The following COL25A1 variants were observed in gnomAD, a reference collection of about 807,000 sequenced individuals.
COL25A1 encodes collagen type XXV alpha 1 chain, also known as collagen alpha-1(XXV) chain.
COL25A1 carries 103 observed loss-of-function variants against 128.4 expected under a neutral mutation model. The observed-to-expected ratio is 0.80, with a 90% CI of 0.68 to 0.94. COL25A1 has a LOEUF of 0.94. Among genes scored for constraint, COL25A1 ranks in the 40% least tolerant of loss-of-function variants. The pLI, the probability that COL25A1 is intolerant of heterozygous loss-of-function variation, is 0.00. For missense variants in COL25A1, 745 were observed against 840.0 expected (o/e 0.89, Z 1.40); for synonymous variants, 279 against 277.2 (o/e 1.01, Z -0.06).
chr4:109,003,981 G>A lies in COL25A1; in HGVS notation c.438+6377C>T, dbSNP rs541104407. Reference sequence around the variant, plus strand: ...AAGAGTTTTATTTCCCTTGATTCAGGAGATTCACAGCAACATCCTCTCTCT... The same window carrying A: ...AAGAGTTTTATTTCCCTTGATTCAGAAGATTCACAGCAACATCCTCTCTCT... On this transcript the variant is annotated intron_variant, in intron 6 of 37. Transcript: ENST00000399132. Among the ~76,000 whole-genome samples, 4 of 151,886 alleles carry A rather than the reference G, an allele frequency of 2.6e-5. No individual in the cohort carries two copies. In the South Asian group the frequency reaches 8.3e-4, roughly 32 times the overall value.
chr4:108,957,097 A>G lies in COL25A1; in HGVS notation c.493-15660T>C, dbSNP rs191860470. On this transcript the variant is annotated intron_variant, in intron 8 of 37. Coordinates refer to ENST00000399132, the MANE Select transcript of COL25A1 (RefSeq NM_198721.4). ...TTCCAGACTGTATTAACATAAACAG[A>G]CACATACACAGGTAGGTTTTATCCC... is the stretch of plus-strand genomic sequence containing the variant. 3.7e-4 allele frequency among the ~76,000 whole-genome samples: 57 copies of G among 152,286 alleles called. No homozygotes were observed. In the South Asian group the frequency reaches 6.8e-3, roughly 18 times the overall value.
intron 31 of COL25A1, 104 bp from the exon 32 acceptor site, chr4:108,832,537 A>G: frequency 2.8e-6 from 2 of 708,146 alleles, no homozygotes; most frequent in East Asian, 5.4e-5. Context: ...AATATCAGTA[A>G]GACAACTCAT....
At chr4:109,275,154 C>A (rs572896807) in intron 3 of COL25A1, among the ~76,000 whole-genome samples, 1 of 152,150 alleles carries the variant, frequency 6.6e-6, no homozygotes, top group Non-Finnish European at 1.5e-5. Context: ...AATGTCCCCC[C>A]GCTGGGTCTA....
intron 25 of COL25A1, among the ~76,000 whole-genome samples, 162 bp downstream of exon 25, chr4:108,852,740 C>A (rs542628434): frequency 4.8e-4 from 73 of 152,224 alleles, no homozygotes; most frequent in Non-Finnish European, 9.6e-4. Flanking sequence ...ACTAAGCAGA[C>A]AAAGTGATTC....
chr4:108,983,712 A>C (rs1054375376), intron 6 of COL25A1, among the ~76,000 whole-genome samples: 5 of 151,528 alleles, frequency 3.3e-5, no homozygotes, highest in African/African-American at 1.2e-4. Flanking sequence ...GAAGCTGCGG[A>C]CCTTCGCAGT....
chr4:108,822,043 A>ATTTTTTTTTTTTTTTTTTTTTTTTTTTTT (rs10567518), intron 35 of COL25A1, among the ~76,000 whole-genome samples: 2 of 89,964 alleles, frequency 2.2e-5, no homozygotes, highest in Admixed American at 1.4e-4. Flanking sequence ...CCTAATGGTA[A>ATTTTTTTTTTTTTTTTTTTTTTTTTTTTT]TTTTTTTTTT....
intron 3 of COL25A1, among the ~76,000 whole-genome samples, chr4:109,158,484 C>T (rs2126113665): frequency 6.6e-6 from 1 of 152,220 alleles, no homozygotes; most frequent in Admixed American, 6.5e-5. Context: ...TGGAAATAAA[C>T]ATAAAAGGCA....
chr4:109,210,050 CAAA>C (rs1279307600), intron 3 of COL25A1, among the ~76,000 whole-genome samples: 2 of 112,706 alleles, frequency 1.8e-5, no homozygotes, highest in Non-Finnish European at 1.9e-5. Context: ...GACTTCATCT[CAAA>C]AAAAAAAAAA....
chr4:109,200,701 C>A (rs1776495175), intron 3 of COL25A1, among the ~76,000 whole-genome samples: 2 of 152,198 alleles, frequency 1.3e-5, no homozygotes, highest in Non-Finnish European at 2.9e-5. Flanking sequence ...ATCTGCCCAC[C>A]TTGGCCTCCC....
At chr4:109,097,662 A>ATT (rs780098779) in intron 3 of COL25A1, among the ~76,000 whole-genome samples, 4,585 of 124,546 alleles carry the variant, frequency 0.037, 380 homozygotes, top group African/African-American at 0.13. Flanking sequence ...GTAAACATCA[A>ATT]TTTTTTTTTT....
chr4:108,971,628 A>G (rs1751925296), intron 8 of COL25A1, among the ~76,000 whole-genome samples: 1 of 152,176 alleles, frequency 6.6e-6, no homozygotes, highest in Non-Finnish European at 1.5e-5. Flanking sequence ...TGGAGGCAAG[A>G]CTAGTGTGAG....
chr4:109,124,493 A>G (rs1462884466), intron 3 of COL25A1, among the ~76,000 whole-genome samples: 1 of 152,042 alleles, frequency 6.6e-6, no homozygotes, highest in Non-Finnish European at 1.5e-5. Context: ...TCTAACTACA[A>G]AAGAATGTCA....
At chr4:108,912,326 A>C (rs1744329315) in intron 13 of COL25A1, among the ~76,000 whole-genome samples, 1 of 152,122 alleles carries the variant, frequency 6.6e-6, no homozygotes. Context: ...TACTCTTGGA[A>C]TTCTAATCTA....
intron 5 of COL25A1, among the ~76,000 whole-genome samples, chr4:109,013,935 T>G (rs1417692334): frequency 6.6e-6 from 1 of 152,144 alleles, no homozygotes; most frequent in Non-Finnish European, 1.5e-5. Flanking sequence ...TCTTGTGCAC[T>G]CCTCCCCCAC....
chr4:108,977,596 G>A (rs1752560963), intron 6 of COL25A1, among the ~76,000 whole-genome samples: 1 of 152,188 alleles, frequency 6.6e-6, no homozygotes, highest in Non-Finnish European at 1.5e-5. Context: ...TGAGGTTCTA[G>A]TCTTGATTTA....
In COL25A1 at chr4:109,155,191, T is replaced by C. The variant is rs141427772; in HGVS notation, c.368-105012A>G. On this transcript the variant is annotated intron_variant, in intron 3 of 37. Transcript: ENST00000399132. ...CTTGAGGATAAGAGTTATTTGGCAC[T>C]GTTGCTTCTACTATTCAGAAACAAT... Among the ~76,000 whole-genome samples the C allele has an allele frequency of 1.0e-3, 155 of 152,336 alleles. 2 individuals are homozygous for C. In the South Asian group the frequency reaches 0.025, roughly 24 times the overall value.
intron 13 of COL25A1, among the ~76,000 whole-genome samples, chr4:108,911,802 G>GTTTTTT (rs61235488): frequency 8.0e-6 from 1 of 124,400 alleles, no homozygotes; most frequent in Non-Finnish European, 1.7e-5. Context: ...TTGCTTCGCT[G>GTTTTTT]TTTTTTTTTT....
Position 109,070,234 on chromosome 4 carries a change from C to T in COL25A1, c.368-20055G>A, listed in dbSNP as rs549450573. ...GATCATTCCAGCCTGGGAGACAGAG[C>T]GAGACTCTGTCTCAAAAAACAAAAA... On this transcript the variant is annotated intron_variant, in intron 3 of 37. Coordinates refer to ENST00000399132, the MANE Select transcript of COL25A1 (RefSeq NM_198721.4). Among the ~76,000 whole-genome samples, 34 of 150,670 alleles carry T rather than the reference C, an allele frequency of 2.3e-4. 1 individual carries two copies. Among genetic ancestry groups the T allele is most frequent in the Non-Finnish European group, 3.8e-4 (26 of 67,726 alleles).
chr4:108,970,003 G>C (rs1410875771), intron 8 of COL25A1, among the ~76,000 whole-genome samples: 1 of 152,178 alleles, frequency 6.6e-6, no homozygotes, highest in African/African-American at 2.4e-5. Flanking sequence ...CCAGGTTCAA[G>C]TGATTCTCCT....
Sources: allele counts gnomAD v4.1 joint callset (sites outside exome capture counted in the v4.1 genomes callset), GRCh38; gene constraint gnomAD v4.1.1; transcripts MANE v1.5; gene names NCBI Gene and HGNC (gene_info 2026-07-23, HGNC 2026-07-21).